Variants in PARPBP observed in about 807,000 individuals in gnomAD.
PARPBP encodes PARP1 binding protein.
PARPBP carries 52 observed loss-of-function variants against 50.0 expected under a neutral mutation model. That is an observed-to-expected ratio of 1.04 (90% CI 0.83 to 1.31). PARPBP has a LOEUF of 1.31. PARPBP is among the 50% of genes most tolerant of loss of function. PARPBP has a pLI of 0.00. For synonymous variants in PARPBP, 244 were observed against 232.1 expected (o/e 1.05, Z -0.47); for missense variants, 697 against 672.0 (o/e 1.04, Z -0.41).
chr12:102,176,951 C>T (rs1814899363), intron 7 of PARPBP, among the ~76,000 whole-genome samples: 1 of 152,078 alleles, frequency 6.6e-6, no homozygotes, highest in Admixed American at 6.5e-5. Flanking sequence ...CTGTCAACTT[C>T]AAATAATTAA....
intron 8 of PARPBP, among the ~76,000 whole-genome samples, chr12:102,179,942 T>A (rs1474674415): frequency 1.3e-5 from 2 of 152,182 alleles, no homozygotes; most frequent in African/African-American, 4.8e-5. Flanking sequence ...CTGGAGCTAT[T>A]TTATTGAAAT....
At chr12:102,178,500 A>G in intron 7 of PARPBP, 92 bp from the exon 8 acceptor site, 4 of 676,502 alleles carry the variant, frequency 5.9e-6, no homozygotes, top group Non-Finnish European at 9.3e-6. Flanking sequence ...ACAATAGATG[A>G]AAGAGGCCAG....
intron 2 of PARPBP, among the ~76,000 whole-genome samples, chr12:102,139,257 A>G (rs927441632): frequency 6.6e-6 from 1 of 152,076 alleles, no homozygotes; most frequent in Admixed American, 6.5e-5. Context: ...GCAATTGTGA[A>G]TGAGAGTTCA....
chr12:102,140,017 TC>T (rs1234289528), intron 2 of PARPBP, among the ~76,000 whole-genome samples: 1 of 152,216 alleles, frequency 6.6e-6, no homozygotes, highest in African/African-American at 2.4e-5. Context: ...TAGGGATGAT[TC>T]CCTCTTTTTC....
intron 6 of PARPBP, among the ~76,000 whole-genome samples, chr12:102,172,122 G>A (rs1888814352): frequency 6.6e-6 from 1 of 152,190 alleles, no homozygotes; most frequent in African/African-American, 2.4e-5. Flanking sequence ...TGGGGATTCA[G>A]TTGTGCTTTT....
At chr12:102,159,682 A>G (rs1887350842) in intron 4 of PARPBP, among the ~76,000 whole-genome samples, 1 of 145,588 alleles carries the variant, frequency 6.9e-6, no homozygotes, top group African/African-American at 2.6e-5. Flanking sequence ...CCAGAAAAAG[A>G]AAATCATCAG....
At chr12:102,132,063 GC>G (rs1268502604) in intron 2 of PARPBP, among the ~76,000 whole-genome samples, 2 of 152,128 alleles carry the variant, frequency 1.3e-5, no homozygotes, top group African/African-American at 4.8e-5. Flanking sequence ...AATTAGCCAG[GC>G]CATGGTGGCA....
intron 9 of PARPBP, among the ~76,000 whole-genome samples, chr12:102,192,358 AG>A (rs1890871713): frequency 6.6e-6 from 1 of 152,096 alleles, no homozygotes; most frequent in South Asian, 2.1e-4. Flanking sequence ...TGGATAAGTG[AG>A]AGGTATAATG....
chr12:102,138,296 A>G lies in PARPBP; in HGVS notation c.154-9934A>G, dbSNP rs900826854. 2.0e-5 allele frequency among the ~76,000 whole-genome samples: 3 copies of G among 152,182 alleles called. No homozygotes were observed. The East Asian group carries it at 5.8e-4, about 29-fold the overall frequency. On this transcript the variant is annotated intron_variant, in intron 2 of 10. Transcript: ENST00000327680. Reference sequence around the variant, plus strand: ...TTTCTTGTGTCTTTTGGGTGCATAAATATCTTCTTTTGAGAAGTATCTGTT... The same window carrying G: ...TTTCTTGTGTCTTTTGGGTGCATAAGTATCTTCTTTTGAGAAGTATCTGTT...
At chr12:102,134,980 T>G (rs919257067) in intron 2 of PARPBP, among the ~76,000 whole-genome samples, 1 of 152,134 alleles carries the variant, frequency 6.6e-6, no homozygotes, top group Non-Finnish European at 1.5e-5. Context: ...GTCTGACCTC[T>G]TTCTTATTTG....
At chr12:102,159,792 G>T (rs1217897803) in intron 4 of PARPBP, among the ~76,000 whole-genome samples, 2 of 151,882 alleles carry the variant, frequency 1.3e-5, no homozygotes, top group African/African-American at 4.8e-5. Context: ...GTTAAAAAAA[G>T]ACCCTGTATA....
intron 2 of PARPBP, among the ~76,000 whole-genome samples, chr12:102,136,428 A>C (rs781658238): frequency 3.9e-5 from 6 of 152,228 alleles, no homozygotes; most frequent in Non-Finnish European, 5.9e-5. Flanking sequence ...TAAAGAAATA[A>C]GTAGATTTTT....
At chr12:102,143,427 C>G (rs557549948) in intron 2 of PARPBP, among the ~76,000 whole-genome samples, 1 of 152,226 alleles carries the variant, frequency 6.6e-6, no homozygotes, top group Non-Finnish European at 1.5e-5. Context: ...CGACCCCTTG[C>G]GCTTCCCGGG....
chr12:102,178,415 G>A (rs1345314446), intron 7 of PARPBP, among the ~76,000 whole-genome samples, 177 bp from the exon 8 acceptor site: 1 of 152,190 alleles, frequency 6.6e-6, no homozygotes, highest in Non-Finnish European at 1.5e-5. Context: ...TGGTAAAGTT[G>A]ATTATAGCAT....
At position 102,165,853 on chromosome 12, in the gene PARPBP, A is replaced by G. The variant is rs747600346; in HGVS notation, c.791A>G (p.Asp264Gly). The G allele has an allele frequency of 2.5e-6, 4 of 1,573,762 alleles. No individual in the cohort carries two copies. Among genetic ancestry groups the G allele is most frequent in the Non-Finnish European group, 3.5e-6 (4 of 1,146,184 alleles). The change falls in exon 6 of 11, where the codon GAT (aspartate) becomes GGT (glycine). Residue 264 changes from aspartate to glycine, a missense_variant. By Grantham distance (94) the Asp-to-Gly change is moderately conservative (BLOSUM62 -1). Coordinates refer to ENST00000327680, the MANE Select transcript of PARPBP (RefSeq NM_017915.5). ...TTTATTAATTTCATTGACAAATTAG[A>G]TGAGATTCTTGGAGAAATACCAAAC... is the stretch of plus-strand genomic sequence containing the variant. Reference protein sequence around the residue: ...SNFINFIDKLDEILGEIPNPS... With the variant: ...SNFINFIDKLGEILGEIPNPS...
At chr12:102,170,248 A>G (rs1363828437) in intron 6 of PARPBP, among the ~76,000 whole-genome samples, 1 of 152,244 alleles carries the variant, frequency 6.6e-6, no homozygotes, top group African/African-American at 2.4e-5. Flanking sequence ...CAACTTTTTA[A>G]TGCACATTTA....
chr12:102,196,233 C>T lies in PARPBP; in HGVS notation c.1682C>T (p.Thr561Ile). The change falls in exon 11 of 11, where the codon ACT becomes ATT. Residue 561 changes from threonine (T) to isoleucine (I), a missense_variant. By Grantham distance (89) the Thr-to-Ile change is moderately conservative. Coordinates refer to ENST00000327680, the MANE Select transcript of PARPBP (RefSeq NM_017915.5). ...AAAGTAGCAAAAAGTAATAAATGTA[C>T]TGCCAAGGACAAGTTGATTTCTGGC... ...LAKVAKSNKC[T>I]AKDKLISGQA... is the part of the protein sequence containing the mutation. The T allele has an allele frequency of 2.5e-6, 4 of 1,604,492 alleles. No individual in the cohort carries two copies. Among genetic ancestry groups the T allele is most frequent in the Non-Finnish European group, 3.4e-6 (4 of 1,176,728 alleles).
Position 102,187,804 on chromosome 12 carries a change from A to C in PARPBP, c.1263+5177A>C, listed in dbSNP as rs73384897. Among the ~76,000 whole-genome samples, 1,039 of 152,338 alleles carry C rather than the reference A, an allele frequency of 6.8e-3. 11 individuals are homozygous for C. The highest frequency in any genetic ancestry group is 0.023 in the African/African-American group (936 of 41,586). On this transcript the variant is annotated intron_variant, in intron 9 of 10. Transcript: ENST00000327680. ...CTTCTTTTTTTCATGAGGATATAGT[A>C]CGTCATGGTAGAACACCATTCTCGC...
rs17032314 is a variant in PARPBP at position 102,197,403 on chromosome 12, A to G, written c.*1112A>G. On this transcript the variant is annotated 3_prime_UTR_variant, in exon 11 of 11. Coordinates refer to ENST00000327680, the MANE Select transcript of PARPBP (RefSeq NM_017915.5). ...GAAATATCGTCAGTCGTCCTAATGC[A>G]TATTGTGACTGTTTGCATATACTTC... 1.0e-2 allele frequency: 9,458 copies of G among 949,544 alleles called. 282 individuals carry two copies. The highest frequency in any genetic ancestry group is 0.086 in the African/African-American group (5,258 of 60,948). The allele number at this position is 949,544 out of a possible 1,614,324, so 58.8% of individuals were successfully genotyped here.
Sources: gnomAD v4.1 joint callset for allele counts (sites outside exome capture counted in the v4.1 genomes callset) on GRCh38, gnomAD v4.1.1 for gene constraint, MANE v1.5 for transcripts, NCBI Gene and HGNC (gene_info 2026-07-23, HGNC 2026-07-21) for gene names.